The following DLG2 variants were observed in gnomAD, a reference collection of about 807,000 sequenced individuals.
DLG2 encodes the protein discs large MAGUK scaffold protein 2.
DLG2 carries 45 observed loss-of-function variants against 132.5 expected under a neutral mutation model. The ratio of observed to expected loss-of-function variants is 0.34; its 90% CI spans 0.27 to 0.44. The LOEUF (loss-of-function observed/expected upper bound fraction) is 0.44. Ranked by LOEUF, DLG2 falls within the 20% of genes least tolerant of loss-of-function variation. The pLI is 1.00. For missense variants in DLG2, 1,045 were observed against 1,196.9 expected (o/e 0.87, Z 1.87); for synonymous variants, 424 against 419.6 (o/e 1.01, Z -0.13).
intron 6 of DLG2, among the ~76,000 whole-genome samples, chr11:84,740,361 A>G (rs1327901341): frequency 6.6e-6 from 1 of 152,158 alleles, no homozygotes; most frequent in Non-Finnish European, 1.5e-5. Flanking sequence ...GCCACTGGAT[A>G]TACTTACAAT....
At chr11:84,400,752 G>A (rs953151958) in intron 7 of DLG2, among the ~76,000 whole-genome samples, 5 of 152,062 alleles carry the variant, frequency 3.3e-5, no homozygotes, top group African/African-American at 1.2e-4. Context: ...CTAGACAGCA[G>A]ATTTAGACAT....
intron 6 of DLG2, among the ~76,000 whole-genome samples, chr11:85,079,912 G>A (rs2067025958): frequency 6.6e-6 from 1 of 152,028 alleles, no homozygotes; most frequent in Admixed American, 6.6e-5. Flanking sequence ...TTACAGACAT[G>A]AGCCACCACA....
intron 7 of DLG2, among the ~76,000 whole-genome samples, chr11:84,454,110 G>T (rs2099058942): frequency 1.3e-5 from 2 of 151,364 alleles, no homozygotes; most frequent in African/African-American, 4.8e-5. Context: ...ACTGAGTTAG[G>T]GTACTTTTAT....
chr11:85,179,353 A>C (rs2079538944), intron 4 of DLG2, among the ~76,000 whole-genome samples: 1 of 151,892 alleles, frequency 6.6e-6, no homozygotes, highest in Admixed American at 6.6e-5. Context: ...ACTCAGAGGA[A>C]TATCTAAGTA....
At chr11:83,847,373 T>G (rs1484798005) in intron 16 of DLG2, among the ~76,000 whole-genome samples, 2 of 152,218 alleles carry the variant, frequency 1.3e-5, no homozygotes, top group East Asian at 1.9e-4. Context: ...TTAAAATGTC[T>G]TTCGAGTTGA....
At chr11:84,308,954 C>T (rs2098260187) in intron 7 of DLG2, among the ~76,000 whole-genome samples, 1 of 152,214 alleles carries the variant, frequency 6.6e-6, no homozygotes, top group African/African-American at 2.4e-5. Context: ...GAGCCGGCTC[C>T]GGCCTTGGCC....
intron 3 of DLG2, among the ~76,000 whole-genome samples, chr11:85,480,850 G>A (rs2093271580): frequency 6.6e-6 from 1 of 152,144 alleles, no homozygotes; most frequent in Admixed American, 6.5e-5. Flanking sequence ...TTTCAATAGT[G>A]TTTAAACTAT....
intron 6 of DLG2, among the ~76,000 whole-genome samples, chr11:85,010,687 C>T (rs1258757521): frequency 6.6e-6 from 1 of 152,126 alleles, no homozygotes; most frequent in Non-Finnish European, 1.5e-5. Flanking sequence ...CTCCAGAATT[C>T]ATCCTAGAAC....
At chr11:84,326,459 T>C (rs2098433314) in intron 7 of DLG2, among the ~76,000 whole-genome samples, 2 of 152,196 alleles carry the variant, frequency 1.3e-5, no homozygotes, top group Admixed American at 1.3e-4. Context: ...CATTTTCTGA[T>C]TTCCGTTTTG....
chr11:83,715,902 C>T (rs1253019532), intron 18 of DLG2, among the ~76,000 whole-genome samples: 2 of 152,166 alleles, frequency 1.3e-5, no homozygotes, highest in Non-Finnish European at 2.9e-5. Context: ...ATTTCTTCTT[C>T]CAGGAGGCCT....
At chr11:84,885,988 G>A (rs1416296594) in intron 6 of DLG2, among the ~76,000 whole-genome samples, 1 of 152,020 alleles carries the variant, frequency 6.6e-6, no homozygotes, top group Non-Finnish European at 1.5e-5. Context: ...ATTGCATTGG[G>A]TTCAGGAGAT....
intron 22 of DLG2, among the ~76,000 whole-genome samples, chr11:83,473,591 C>T (rs1400502273): frequency 1.3e-5 from 2 of 152,034 alleles, no homozygotes; most frequent in South Asian, 2.1e-4. Context: ...CCTGCAAACC[C>T]GGAAGTGTCT....
intron 6 of DLG2, among the ~76,000 whole-genome samples, chr11:85,004,160 G>A (rs1257338609): frequency 2.6e-5 from 4 of 151,872 alleles, no homozygotes; most frequent in African/African-American, 7.3e-5. Context: ...TTGCTATTAC[G>A]AACACTGGGC....
At chr11:83,489,168 T>C (rs1186152297) in intron 21 of DLG2, among the ~76,000 whole-genome samples, 1 of 151,924 alleles carries the variant, frequency 6.6e-6, no homozygotes, top group Non-Finnish European at 1.5e-5. Context: ...CTTGAAAACC[T>C]CTATTTACTC....
chr11:83,753,810 T>TGG (rs2093467670), intron 18 of DLG2, among the ~76,000 whole-genome samples: 4 of 81,344 alleles, frequency 4.9e-5, no homozygotes, highest in African/African-American at 3.3e-4. Flanking sequence ...ATCATATATA[T>TGG]CATATATATA....
chr11:85,361,265 C>T (rs561272367), intron 3 of DLG2, among the ~76,000 whole-genome samples: 68 of 152,240 alleles, frequency 4.5e-4, no homozygotes, highest in African/African-American at 1.6e-3. Flanking sequence ...AAGCAATTCT[C>T]CTGCCTCAGC....
At chr11:84,593,425 A>C (rs906836344) in intron 6 of DLG2, among the ~76,000 whole-genome samples, 1 of 152,238 alleles carries the variant, frequency 6.6e-6, no homozygotes, top group African/African-American at 2.4e-5. Flanking sequence ...CTAGAAAAAG[A>C]AAATGTGCAC....
intron 6 of DLG2, among the ~76,000 whole-genome samples, chr11:84,778,995 C>A (rs928968178): frequency 6.6e-6 from 1 of 152,138 alleles, no homozygotes; most frequent in African/African-American, 2.4e-5. Flanking sequence ...CAGTGGTTTG[C>A]CAGGGGCTCT....
At chr11:84,233,878 G>A (rs995494124) in intron 8 of DLG2, among the ~76,000 whole-genome samples, 1 of 152,172 alleles carries the variant, frequency 6.6e-6, no homozygotes, top group African/African-American at 2.4e-5. Flanking sequence ...TGTTACTCCA[G>A]ACAACAAGGC....
Sources: allele counts gnomAD v4.1 joint callset (sites outside exome capture counted in the v4.1 genomes callset), GRCh38; gene constraint gnomAD v4.1.1; transcripts MANE v1.5; gene names NCBI Gene and HGNC (gene_info 2026-07-23, HGNC 2026-07-21).